Variants in DNAJC3 observed in about 807,000 individuals in gnomAD.
The protein encoded by DNAJC3 is DnaJ heat shock protein family (Hsp40) member C3, also known as dnaJ homolog subfamily C member 3.
Under a neutral mutation model 68.6 loss-of-function variants are expected in DNAJC3, and 38 were observed. That is an observed-to-expected ratio of 0.55 (90% CI 0.43 to 0.73). The LOEUF (loss-of-function observed/expected upper bound fraction) is 0.73. DNAJC3 is among the 30% of genes least tolerant of loss of function. The pLI is 0.00. For synonymous variants in DNAJC3, 203 were observed against 204.0 expected (o/e 1.00, Z 0.04); for missense variants, 526 against 591.9 (o/e 0.89, Z 1.16).
At chr13:95,783,040 A>G (rs1033531425) in intron 9 of DNAJC3, among the ~76,000 whole-genome samples, 1 of 152,166 alleles carries the variant, frequency 6.6e-6, no homozygotes, top group African/African-American at 2.4e-5. Context: ...ATGGCTAGCC[A>G]GTTTTCCAAC....
intron 1 of DNAJC3, among the ~76,000 whole-genome samples, chr13:95,688,378 G>A (rs746020814): frequency 6.6e-6 from 1 of 152,152 alleles, no homozygotes; most frequent in Non-Finnish European, 1.5e-5. Context: ...GCTTTCAGCT[G>A]CTGCCTGTTT....
chr13:95,712,160 A>G (rs1380494868), intron 2 of DNAJC3, among the ~76,000 whole-genome samples: 8 of 152,302 alleles, frequency 5.3e-5, no homozygotes, highest in South Asian at 2.1e-4. Context: ...TAAATATTTA[A>G]CACCATTTCT....
At chr13:95,697,464 C>T (rs1444157387) in intron 1 of DNAJC3, among the ~76,000 whole-genome samples, 1 of 152,190 alleles carries the variant, frequency 6.6e-6, no homozygotes, top group East Asian at 1.9e-4. Flanking sequence ...TTAAGATTCG[C>T]TGATAGTCTG....
intron 1 of DNAJC3, among the ~76,000 whole-genome samples, chr13:95,700,141 G>A (rs532732214): frequency 6.6e-6 from 1 of 152,122 alleles, no homozygotes; most frequent in African/African-American, 2.4e-5. Flanking sequence ...ATAAGATATG[G>A]GGTCTCACTG....
At chr13:95,766,698 ATT>A (rs777691887) in intron 9 of DNAJC3, among the ~76,000 whole-genome samples, 2 of 143,098 alleles carry the variant, frequency 1.4e-5, no homozygotes, top group African/African-American at 2.5e-5. Flanking sequence ...CAGTTATTCT[ATT>A]TTTTTTTTTT....
chr13:95,752,562 G>A (rs1048078974), intron 4 of DNAJC3, among the ~76,000 whole-genome samples: 2 of 152,118 alleles, frequency 1.3e-5, no homozygotes, highest in African/African-American at 2.4e-5. Flanking sequence ...AGATAATTAC[G>A]AGTATTCTTC....
intron 2 of DNAJC3, among the ~76,000 whole-genome samples, chr13:95,714,943 A>G (rs988423515): frequency 6.6e-6 from 1 of 152,186 alleles, no homozygotes; most frequent in Admixed American, 6.5e-5. Context: ...TATCACTGCA[A>G]TACAAGACTT....
At chr13:95,738,427 A>C (rs1202291235) in intron 4 of DNAJC3, among the ~76,000 whole-genome samples, 2 of 149,596 alleles carry the variant, frequency 1.3e-5, no homozygotes, top group Non-Finnish European at 1.5e-5. Flanking sequence ...GTGGGGTGTT[A>C]AAGTCTCCCA....
intron 2 of DNAJC3, among the ~76,000 whole-genome samples, chr13:95,711,330 C>T (rs1880953916): frequency 6.6e-6 from 1 of 152,058 alleles, no homozygotes; most frequent in Non-Finnish European, 1.5e-5. Flanking sequence ...AAACTTGTCT[C>T]TACTAAAAAT....
intron 2 of DNAJC3, among the ~76,000 whole-genome samples, chr13:95,714,917 C>CT (rs371662058): frequency 6.2e-4 from 92 of 148,100 alleles, no homozygotes; most frequent in East Asian, 1.8e-3. Flanking sequence ...ATGACTGCTC[C>CT]TTTTTTTTTT....
chr13:95,715,472 AGTTTCT>A (rs1157125032), intron 2 of DNAJC3, among the ~76,000 whole-genome samples: 2 of 151,266 alleles, frequency 1.3e-5, no homozygotes, highest in Admixed American at 1.3e-4. Flanking sequence ...TACACATCAT[AGTTTCT>A]TTTTCTTTTT....
chr13:95,743,924 G>T (rs1332595084), intron 4 of DNAJC3, among the ~76,000 whole-genome samples: 1 of 152,044 alleles, frequency 6.6e-6, no homozygotes, highest in Non-Finnish European at 1.5e-5. Context: ...TTTGTTCTTT[G>T]TCAAAATTGT....
chr13:95,787,293 G>A, intron 11 of DNAJC3, 138 bp downstream of exon 11: 1 of 1,053,484 alleles, frequency 9.5e-7, no homozygotes, highest in Non-Finnish European at 1.3e-6. Flanking sequence ...CCAGTTTTAT[G>A]CCTGCCCTCA....
At chr13:95,755,782 A>G (rs1393538349) in intron 4 of DNAJC3, among the ~76,000 whole-genome samples, 5 of 150,718 alleles carry the variant, frequency 3.3e-5, no homozygotes, top group Non-Finnish European at 7.4e-5. Context: ...AAAAAAAAAA[A>G]AAAGAATAAA....
At chr13:95,703,230 T>G (rs184033947) in intron 1 of DNAJC3, among the ~76,000 whole-genome samples, 88 of 152,352 alleles carry the variant, frequency 5.8e-4, no homozygotes, top group Non-Finnish European at 1.1e-3. Context: ...GTTGATCTAT[T>G]AACATTGAAC....
chr13:95,715,730 C>T (rs981414596), intron 2 of DNAJC3, among the ~76,000 whole-genome samples: 1 of 146,728 alleles, frequency 6.8e-6, no homozygotes, highest in Admixed American at 6.6e-5. Context: ...TGATGATCCA[C>T]CCCCCCTTGG....
intron 1 of DNAJC3, among the ~76,000 whole-genome samples, chr13:95,690,474 A>C (rs1401167713): frequency 1.3e-5 from 2 of 151,492 alleles, no homozygotes; most frequent in East Asian, 2.0e-4. Flanking sequence ...CATTGTCATC[A>C]TGGCCCGTTC....
rs1883863976 is a variant in DNAJC3, at chr13:95,793,620, TG to T, written c.*2591del. The T allele has an allele frequency of 6.7e-6, 1 of 149,920 alleles. No individual in the cohort carries two copies. The highest frequency in any genetic ancestry group is 2.5e-5 in the African/African-American group (1 of 40,704). The allele number at this position is 149,920 out of a possible 1,614,324, so 9.3% of individuals were successfully genotyped here. On this transcript the variant is annotated 3_prime_UTR_variant, in exon 12 of 12. Transcript: ENST00000602402. ...CTGGGACTATAGGCACGCACCACCA[TG>T]CCTGGCTAATTTTTGTATTTTTAGT...
intron 2 of DNAJC3, among the ~76,000 whole-genome samples, chr13:95,711,325 T>C (rs899358192): frequency 6.6e-6 from 1 of 152,034 alleles, no homozygotes; most frequent in Non-Finnish European, 1.5e-5. Context: ...TGGTGAAACT[T>C]GTCTCTACTA....
Sources: allele counts gnomAD v4.1 joint callset (sites outside exome capture counted in the v4.1 genomes callset), GRCh38; gene constraint gnomAD v4.1.1; transcripts MANE v1.5; gene names NCBI Gene and HGNC (gene_info 2026-07-23, HGNC 2026-07-21).